ADK: variants seen among roughly 807,000 people sequenced by gnomAD.
ADK encodes the protein N6,N6-dimethyladenosine kinase.
Under a neutral mutation model 44.7 loss-of-function variants are expected in ADK, and 24 were observed. The ratio of observed to expected loss-of-function variants is 0.54; its 90% CI spans 0.39 to 0.76. The LOEUF (loss-of-function observed/expected upper bound fraction) is 0.76. ADK is among the 30% of genes least tolerant of loss of function. The pLI is 0.00. For synonymous variants in ADK, 128 were observed against 142.6 expected (o/e 0.90, Z 0.73); for missense variants, 321 against 425.1 (o/e 0.76, Z 2.15).
At chr10:74,661,326 A>T (rs1313310033) in intron 9 of ADK, 1 of 961,428 alleles carries the variant, frequency 1.0e-6, no homozygotes, top group Non-Finnish European at 1.2e-6. Flanking sequence ...CAACTTTGGG[A>T]TCATATTTTA....
At chr10:74,606,565 T>G (rs895410344) in intron 9 of ADK, among the ~76,000 whole-genome samples, 9 of 152,256 alleles carry the variant, frequency 5.9e-5, no homozygotes, top group African/African-American at 1.9e-4. Context: ...TTCTTAGTCC[T>G]GAGTTCTAAT....
chr10:74,505,306 CTT>C (rs1432902486), intron 6 of ADK, among the ~76,000 whole-genome samples: 1 of 152,118 alleles, frequency 6.6e-6, no homozygotes, highest in East Asian at 1.9e-4. Context: ...CAAAAGCAGT[CTT>C]TTGAATAACT....
chr10:74,492,292 G>T (rs1564751988), intron 6 of ADK, among the ~76,000 whole-genome samples: 1 of 151,922 alleles, frequency 6.6e-6, no homozygotes, highest in Non-Finnish European at 1.5e-5. Context: ...TTATTCTTAG[G>T]TTGAATCCAA....
At chr10:74,520,725 G>T (rs549791773) in intron 6 of ADK, among the ~76,000 whole-genome samples, 31 of 152,006 alleles carry the variant, frequency 2.0e-4, no homozygotes, top group African/African-American at 7.0e-4. Context: ...AAGTTTTTTC[G>T]ATTTCCAAGC....
chr10:74,200,739 T>A, intron 1 of ADK, 25 bp from the exon 2 acceptor site: 4 of 1,511,258 alleles, frequency 2.6e-6, no homozygotes, highest in Non-Finnish European at 2.8e-6. Flanking sequence ...GAAGTATTTC[T>A]AACTTGTGTT....
chr10:74,296,009 C>T (rs1839798309), intron 3 of ADK, among the ~76,000 whole-genome samples: 1 of 148,936 alleles, frequency 6.7e-6, no homozygotes, highest in Admixed American at 6.7e-5. Flanking sequence ...CTAACTTTGG[C>T]TTTGTTGGTT....
At chr10:74,622,695 A>C (rs918471430) in intron 9 of ADK, among the ~76,000 whole-genome samples, 1 of 152,164 alleles carries the variant, frequency 6.6e-6, no homozygotes, top group African/African-American at 2.4e-5. Flanking sequence ...CAGAATTAGA[A>C]ACAAAAGCAG....
rs116908557 is a variant in ADK, at chr10:74,481,794, G to A, written c.556-43462G>A. Among the ~76,000 whole-genome samples, 5 of 152,056 alleles carry A rather than the reference G, an allele frequency of 3.3e-5. No individual in the cohort carries two copies. In the East Asian group the frequency reaches 7.7e-4, roughly 24 times the overall value. On this transcript the variant is annotated intron_variant, in intron 6 of 10. Transcript: ENST00000539909. ...TTCCTACATTAGCTATTTTACATGAGGTTTAATTAAGGAAGGGGTTACACA... is the reference window on the plus strand; with the variant it reads ...TTCCTACATTAGCTATTTTACATGAAGTTTAATTAAGGAAGGGGTTACACA...
chr10:74,245,715 T>A (rs1231654232), intron 3 of ADK, among the ~76,000 whole-genome samples: 1 of 151,930 alleles, frequency 6.6e-6, no homozygotes, highest in Admixed American at 6.6e-5. Context: ...GTCAGCCTTC[T>A]TAGTAGCTGG....
chr10:74,671,398 A>G (rs113342738), intron 10 of ADK, among the ~76,000 whole-genome samples: 40 of 152,178 alleles, frequency 2.6e-4, no homozygotes, highest in African/African-American at 9.6e-4. Flanking sequence ...GGGTTTCGCC[A>G]TGTTGGGCAG....
At chr10:74,532,488 A>AC (rs1564777122) in intron 7 of ADK, among the ~76,000 whole-genome samples, 3 of 151,850 alleles carry the variant, frequency 2.0e-5, no homozygotes, top group Non-Finnish European at 2.9e-5. Context: ...AAAAAAAAAA[A>AC]AAACCCTTGG....
At chr10:74,409,908 C>T (rs1007564116) in intron 6 of ADK, among the ~76,000 whole-genome samples, 8 of 152,088 alleles carry the variant, frequency 5.3e-5, no homozygotes, top group Admixed American at 1.3e-4. Context: ...GTTTTTCATA[C>T]CTATGCCATG....
intron 2 of ADK, among the ~76,000 whole-genome samples, chr10:74,221,225 A>T (rs1303190941): frequency 6.6e-6 from 1 of 151,924 alleles, no homozygotes; most frequent in Non-Finnish European, 1.5e-5. Flanking sequence ...ATACACCAAT[A>T]ACAGACAAAC....
intron 7 of ADK, 67 bp from the exon 8 acceptor site, chr10:74,589,215 A>C (rs1851632950): frequency 6.7e-7 from 1 of 1,486,806 alleles, no homozygotes; most frequent in Non-Finnish European, 9.4e-7. Context: ...ATGAGTTTCA[A>C]AAAATGGATT....
intron 5 of ADK, among the ~76,000 whole-genome samples, chr10:74,395,007 T>A (rs1302715717): frequency 6.6e-6 from 1 of 152,222 alleles, no homozygotes. Flanking sequence ...AGTGTATTCA[T>A]GCACTGCTAA....
intron 3 of ADK, among the ~76,000 whole-genome samples, chr10:74,302,109 GTTTTTTTTT>G (rs1172807289): frequency 1.0e-3 from 13 of 13,036 alleles, no homozygotes; most frequent in African/African-American, 2.6e-3. Flanking sequence ...TTGTTTGTTT[GTTTTTTTTT>G]TTTTTTTTTT....
chr10:74,394,442 T>C (rs1843441355), intron 5 of ADK, 129 bp downstream of exon 5: 1 of 889,516 alleles, frequency 1.1e-6, no homozygotes, highest in Non-Finnish European at 1.8e-6. Context: ...GCTTATTCCT[T>C]ATATCAGTTT....
At chr10:74,462,819 T>A (rs1400923060) in intron 6 of ADK, among the ~76,000 whole-genome samples, 1 of 152,162 alleles carries the variant, frequency 6.6e-6, no homozygotes, top group Non-Finnish European at 1.5e-5. Flanking sequence ...TTATGAAAAA[T>A]ACCCTCTAAA....
At chr10:74,447,948 T>A (rs193117175) in intron 6 of ADK, among the ~76,000 whole-genome samples, 4 of 151,808 alleles carry the variant, frequency 2.6e-5, no homozygotes, top group Admixed American at 1.3e-4. Flanking sequence ...CTGAGGGGGG[T>A]GGATCACCTG....
Sources: gnomAD v4.1 joint callset for allele counts (sites outside exome capture counted in the v4.1 genomes callset) on GRCh38, gnomAD v4.1.1 for gene constraint, MANE v1.5 for transcripts, NCBI Gene and HGNC (gene_info 2026-07-23, HGNC 2026-07-21) for gene names.